The following LCOR variants were observed in gnomAD, a reference collection of about 807,000 sequenced individuals.
The protein encoded by LCOR is ligand dependent nuclear receptor corepressor.
A neutral mutation model predicts 64.4 loss-of-function variants in LCOR; 14 were observed. The observed-to-expected ratio is 0.22, with a 90% CI of 0.14 to 0.34. The LOEUF (loss-of-function observed/expected upper bound fraction) is 0.34. Among genes scored for constraint, LCOR ranks in the 10% least tolerant of loss-of-function variants. The pLI is 1.00. For synonymous variants in LCOR, 643 were observed against 642.5 expected, an observed-to-expected ratio of 1.00 and a Z score of -0.01; for missense variants, 1,686 against 1,765.3, an observed-to-expected ratio of 0.96 and a Z score of 0.80.
chr10:96,874,876 T>C (rs578178806), intron 2 of LCOR, among the ~76,000 whole-genome samples: 1 of 152,096 alleles, frequency 6.6e-6, no homozygotes, highest in African/African-American at 2.4e-5. Context: ...GACCTTGTGA[T>C]CCACCTACCT....
At chr10:96,958,299 C>A in intron 7 of LCOR, 1 of 1,468,516 alleles carries the variant, frequency 6.8e-7, no homozygotes, top group Non-Finnish European at 9.0e-7. Context: ...AGGTTTAATC[C>A]TATGTGGTAG....
At position 96,924,894 on chromosome 10, in the gene LCOR, A is replaced by G. The variant is rs574436869; in HGVS notation, c.-184+17147A>G. On this transcript the variant is annotated intron_variant, in intron 4 of 7. Coordinates refer to ENST00000421806, the MANE Select transcript of LCOR (RefSeq NM_001346516.2). The stretch of plus-strand genomic sequence containing the variant: ...ACCCTGATATAATATTACCTAATAT[A>G]TGAATCTTACTCAAATTTTACCGAT... 3.9e-5 allele frequency among the ~76,000 whole-genome samples: 6 copies of G among 152,142 alleles called. No individual in the cohort carries two copies. The South Asian group carries it at 1.0e-3, about 26-fold the overall frequency.
intron 2 of LCOR, among the ~76,000 whole-genome samples, chr10:96,835,998 CT>C (rs765815337): frequency 1.3e-5 from 2 of 152,182 alleles, no homozygotes; most frequent in Non-Finnish European, 2.9e-5. Flanking sequence ...TAACCTTTTG[CT>C]TTCCTGCACC....
chr10:96,910,371 A>G (rs1035914855), intron 4 of LCOR, among the ~76,000 whole-genome samples: 3 of 152,234 alleles, frequency 2.0e-5, no homozygotes, highest in Admixed American at 2.0e-4. Flanking sequence ...TTTCTCCGTT[A>G]GATACTATAT....
Position 96,972,920 on chromosome 10 carries a change from T to G in LCOR, c.333-7873T>G, listed in dbSNP as rs1028804617. ...CAAAGGGATTGCATGCCCTTTGCTT[T>G]AGATCAGTACCTCCACACACTTGAA... is the stretch of plus-strand genomic sequence containing the variant. On this transcript the variant is annotated intron_variant, in intron 7 of 7. Coordinates refer to ENST00000421806, the MANE Select transcript of LCOR (RefSeq NM_001346516.2). Among the ~76,000 whole-genome samples the G allele has an allele frequency of 4.6e-5, 7 of 152,292 alleles. No individual in the cohort carries two copies. In the East Asian group the frequency reaches 1.4e-3, roughly 29 times the overall value.
At chr10:96,903,398 G>A (rs1358055568) in intron 2 of LCOR, among the ~76,000 whole-genome samples, 9 of 151,960 alleles carry the variant, frequency 5.9e-5, no homozygotes, top group East Asian at 1.9e-4. Context: ...CTAAAACATC[G>A]TTGTGTGGCA....
At position 96,981,203 on chromosome 10, in the gene LCOR, C is replaced by A. The variant is rs1451142543; in HGVS notation, c.743C>A (p.Ser248Tyr). The change falls in exon 8 of 8, where the codon TCT becomes TAT. Residue 248 changes from serine (S) to tyrosine (Y), a missense_variant. By Grantham distance (144) the Ser-to-Tyr change is moderately radical. This residue lies in a region of LCOR where 313 missense variants were observed against 247.2 expected (regional missense o/e 1.27). Transcript: ENST00000421806. ...TTGACTGTTGTCCAGAAAGATTCCT[C>A]TGAACTTCCAACCACTAAATCGAAT... ...NALTVVQKDSSELPTTKSNSI... is the reference protein window; with the variant it reads ...NALTVVQKDSYELPTTKSNSI... 1.3e-6 allele frequency: 1 copy of A among 757,468 alleles called. No homozygotes were observed. The highest frequency in any genetic ancestry group is 1.5e-5 in the South Asian group (1 of 68,664). 46.9% of individuals were successfully genotyped at this position (757,468 alleles called of 1,614,324 possible). A position where few individuals can be genotyped will look rare whatever the true frequency, so the allele number is the denominator to read the frequency against.
At chr10:96,905,123 GTAT>G (rs1452493621) in intron 2 of LCOR, among the ~76,000 whole-genome samples, 1 of 151,994 alleles carries the variant, frequency 6.6e-6, no homozygotes, top group Non-Finnish European at 1.5e-5. Context: ...ATTTTTGTTA[GTAT>G]TATTGATCTT....
intron 4 of LCOR, chr10:96,915,772 G>A (rs772776513): frequency 4.8e-6 from 3 of 620,892 alleles, no homozygotes; most frequent in African/African-American, 3.7e-5. Context: ...CCTTTGCAGG[G>A]CCCTTTTGAA....
chr10:96,978,457 C>G (rs956130680), intron 7 of LCOR, among the ~76,000 whole-genome samples: 1 of 152,122 alleles, frequency 6.6e-6, no homozygotes, highest in Non-Finnish European at 1.5e-5. Context: ...TACATTTTGT[C>G]CCCATCGCCA....
Position 96,990,705 on chromosome 10 carries a change from C to T in LCOR, c.*5571C>T, listed in dbSNP as rs543874798. On this transcript the variant is annotated 3_prime_UTR_variant, in exon 8 of 8. Transcript: ENST00000421806. ...TCAGGCTTTTGCCTTGGGATTGAACCGAAGCTGCTCAGTTCCTTCCACTTA... is the reference window on the plus strand; with the variant it reads ...TCAGGCTTTTGCCTTGGGATTGAACTGAAGCTGCTCAGTTCCTTCCACTTA... 1.3e-5 allele frequency: 2 copies of T among 152,442 alleles called. No individual in the cohort carries two copies. Among genetic ancestry groups the T allele is most frequent in the South Asian group, 4.2e-4 (2 of 4,814 alleles). 9.4% of individuals were successfully genotyped at this position (152,442 alleles called of 1,614,324 possible). A position where few individuals can be genotyped will look rare whatever the true frequency, so the allele number is the denominator to read the frequency against.
chr10:96,836,822 A>G (rs759426964), intron 2 of LCOR, among the ~76,000 whole-genome samples: 2 of 152,216 alleles, frequency 1.3e-5, no homozygotes, highest in African/African-American at 4.8e-5. Context: ...GGATATACAC[A>G]TGATAGGTTT....
In LCOR at chr10:96,882,600, A is replaced by G. The variant is rs192877301; in HGVS notation, c.-329-24665A>G. On this transcript the variant is annotated intron_variant, in intron 2 of 7. Coordinates refer to ENST00000421806, the MANE Select transcript of LCOR (RefSeq NM_001346516.2). ...GAACCTACGATGACACGTCATTATC[A>G]TCCAAAGTCCATAATTTATATTAGG... Among the ~76,000 whole-genome samples, 18 of 152,314 alleles carry G rather than the reference A, an allele frequency of 1.2e-4. 1 individual carries two copies. In the East Asian group the frequency reaches 3.5e-3, roughly 29 times the overall value.
intron 4 of LCOR, among the ~76,000 whole-genome samples, chr10:96,909,531 A>G (rs955115680): frequency 2.0e-5 from 3 of 152,160 alleles, no homozygotes; most frequent in Non-Finnish European, 4.4e-5. Flanking sequence ...GTTCCTTACT[A>G]CATTGTCAAC....
rs527864869 is a variant in LCOR at position 96,920,730 on chromosome 10, A to G, written c.-184+12983A>G. Among the ~76,000 whole-genome samples the G allele has an allele frequency of 3.8e-4, 42 of 111,448 alleles. 1 individual carries two copies. Among genetic ancestry groups the G allele is most frequent in the African/African-American group, 1.2e-3 (27 of 22,938 alleles). 73.1% of individuals were successfully genotyped at this position (111,448 alleles called of 152,430 possible). Reference sequence around the variant, plus strand: ...TGTGTGTATATATGTATATATGTTCATATATATGTGTATATATGTATACAC... The same window carrying G: ...TGTGTGTATATATGTATATATGTTCGTATATATGTGTATATATGTATACAC... On this transcript the variant is annotated intron_variant, in intron 4 of 7. Transcript: ENST00000421806.
intron 2 of LCOR, among the ~76,000 whole-genome samples, chr10:96,871,967 T>A (rs1846079651): frequency 6.6e-6 from 1 of 152,224 alleles, no homozygotes; most frequent in Admixed American, 6.5e-5. Flanking sequence ...TCAGTTCATC[T>A]TCTCCCCAGG....
intron 1 of LCOR, among the ~76,000 whole-genome samples, chr10:96,832,737 G>A (rs1564594996): frequency 6.7e-6 from 1 of 149,876 alleles, no homozygotes; most frequent in Non-Finnish European, 1.5e-5. Context: ...TCCAGGCCCG[G>A]CGCCCCGGCG....
At chr10:96,874,906 G>A (rs1846138063) in intron 2 of LCOR, among the ~76,000 whole-genome samples, 1 of 152,036 alleles carries the variant, frequency 6.6e-6, no homozygotes, top group Admixed American at 6.6e-5. Flanking sequence ...AAAGTGCTGA[G>A]ATTACAGATG....
rs757080916 is a variant in LCOR, at chr10:96,984,307, G to A, written c.3847G>A (p.Glu1283Lys). Residue 1283 changes from glutamate to lysine, a missense_variant, in exon 8 of 8, where the codon GAA (glutamate) becomes AAA (lysine). By Grantham distance (56) the Glu-to-Lys change is moderately conservative. Transcript: ENST00000421806. Reference sequence around the variant, plus strand: ...TGATGTCAGCCCCGGCCCTAATTCTGAAGACAGCATAGAGGAAGTCAAGGA... The same window carrying A: ...TGATGTCAGCCCCGGCCCTAATTCTAAAGACAGCATAGAGGAAGTCAAGGA... The part of the protein sequence containing the change: ...GSDVSPGPNS[E>K]DSIEEVKEDR... 2.5e-6 allele frequency: 4 copies of A among 1,613,980 alleles called. No individual in the cohort carries two copies. Among genetic ancestry groups the A allele is most frequent in the East Asian group, 4.5e-5 (2 of 44,896 alleles).
Sources: gnomAD v4.1 joint callset for allele counts (sites outside exome capture counted in the v4.1 genomes callset) on GRCh38, gnomAD v4.1.1 for gene constraint, gnomAD v4.1.1 regional missense constraint, MANE v1.5 for transcripts, NCBI Gene and HGNC (gene_info 2026-07-23, HGNC 2026-07-21) for gene names.